CDH4: variants seen among roughly 807,000 people sequenced by gnomAD.
The protein encoded by CDH4 is cadherin 4, also known as cadherin-4.
A neutral mutation model predicts 86.0 loss-of-function variants in CDH4; 33 were observed. The observed-to-expected ratio is 0.38, with a 90% CI of 0.29 to 0.51. The LOEUF (loss-of-function observed/expected upper bound fraction) is 0.51. Ranked by LOEUF, CDH4 falls within the 20% of genes least tolerant of loss-of-function variation. The pLI is 0.86. For missense variants in CDH4, 1,114 were observed against 1,307.4 expected (o/e 0.85, Z 2.28); for synonymous variants, 555 against 549.4 (o/e 1.01, Z -0.14).
chr20:61,585,976 GTGATGATGATGGTGATGATGA>G (rs1568698592), intron 2 of CDH4, among the ~76,000 whole-genome samples: 6 of 143,646 alleles, frequency 4.2e-5, no homozygotes, highest in African/African-American at 1.5e-4. Flanking sequence ...TGGTGATGAT[GTGATGATGATGGTGATGATGA>G]TGATGGTGAT....
intron 3 of CDH4, among the ~76,000 whole-genome samples, chr20:61,764,765 A>G (rs145678527): frequency 5.3e-5 from 8 of 152,218 alleles, no homozygotes; most frequent in Non-Finnish European, 8.8e-5. Flanking sequence ...CATCACTCCT[A>G]TCCCCACTGC....
chr20:61,831,587 G>GC (rs1981616487), intron 4 of CDH4, among the ~76,000 whole-genome samples: 1 of 152,236 alleles, frequency 6.6e-6, no homozygotes, highest in African/African-American at 2.4e-5. Context: ...GAACCATGCA[G>GC]CAGGTCCCTG....
intron 2 of CDH4, among the ~76,000 whole-genome samples, chr20:61,368,174 AGACTCTTAAT>A (rs1203416138): frequency 1.3e-5 from 2 of 152,042 alleles, no homozygotes; most frequent in African/African-American, 4.8e-5. Context: ...CGGCCTCTCC[AGACTCTTAAT>A]GATTACAACG....
intron 5 of CDH4, among the ~76,000 whole-genome samples, chr20:61,849,988 G>A (rs755269583): frequency 6.6e-6 from 1 of 152,184 alleles, no homozygotes. Flanking sequence ...CCAGCTCTGT[G>A]GGCTGAGGGT....
intron 2 of CDH4, among the ~76,000 whole-genome samples, chr20:61,416,541 G>A (rs1018712246): frequency 1.3e-5 from 2 of 152,222 alleles, no homozygotes. Flanking sequence ...TTTCGTGAAC[G>A]AGTTTGTTTA....
At chr20:61,904,089 C>T (rs778626893) in intron 8 of CDH4, among the ~76,000 whole-genome samples, 5 of 152,218 alleles carry the variant, frequency 3.3e-5, no homozygotes, top group South Asian at 2.1e-4. Flanking sequence ...CTTGCCCCAG[C>T]GGGGGACAGC....
rs373561314 is a variant in CDH4, at chr20:61,663,750, C to T, written c.170-79813C>T. 1.1e-4 allele frequency among the ~76,000 whole-genome samples: 16 copies of T among 152,180 alleles called. No individual in the cohort carries two copies. Among genetic ancestry groups the T allele is most frequent in the African/African-American group, 3.9e-4 (16 of 41,528 alleles). ...CAGGCAGGGCTGACAGACGCGGGGTCGGGGGAAGATCAGGAGCTCCCGGTG... is the reference window on the plus strand; with the variant it reads ...CAGGCAGGGCTGACAGACGCGGGGTTGGGGGAAGATCAGGAGCTCCCGGTG... On this transcript the variant is annotated intron_variant, in intron 2 of 15. Coordinates refer to ENST00000614565, the MANE Select transcript of CDH4 (RefSeq NM_001794.5). This position sits in a 1 kb window ranked among gnomAD's most constrained non-coding sequence, Gnocchi z 5.0.
chr20:61,770,128 C>T (rs959113512), intron 3 of CDH4, among the ~76,000 whole-genome samples: 18 of 152,154 alleles, frequency 1.2e-4, no homozygotes, highest in Admixed American at 1.0e-3. Context: ...TCTTTAAAGG[C>T]CCCTGAGGAG....
chr20:61,456,305 T>C (rs1268064359), intron 2 of CDH4, among the ~76,000 whole-genome samples: 1 of 152,182 alleles, frequency 6.6e-6, no homozygotes, highest in Non-Finnish European at 1.5e-5. Flanking sequence ...GCGGGTGAAA[T>C]CTTAGGTTGG....
At chr20:61,848,388 T>G (rs1168648611) in intron 5 of CDH4, among the ~76,000 whole-genome samples, 3 of 152,252 alleles carry the variant, frequency 2.0e-5, no homozygotes, top group African/African-American at 7.2e-5. Context: ...CTTTTGTTTT[T>G]TGAGACAGGG....
intron 2 of CDH4, among the ~76,000 whole-genome samples, chr20:61,471,505 T>C (rs915555455): frequency 1.1e-4 from 17 of 151,836 alleles, no homozygotes; most frequent in Admixed American, 1.3e-4. Context: ...TGTATTTTTT[T>C]TCAATTTTAT....
intron 4 of CDH4, among the ~76,000 whole-genome samples, chr20:61,776,120 G>A (rs1304964633): frequency 6.6e-6 from 1 of 152,214 alleles, no homozygotes; most frequent in Admixed American, 6.5e-5. Context: ...GGGCCCAGTT[G>A]TCCTGTTGAT....
At chr20:61,764,154 A>G (rs1181914898) in intron 3 of CDH4, among the ~76,000 whole-genome samples, 1 of 152,174 alleles carries the variant, frequency 6.6e-6, no homozygotes, top group Non-Finnish European at 1.5e-5. Context: ...TAAGAAAATA[A>G]AATATTGTGG....
chr20:61,486,755 A>G (rs2085598970), intron 2 of CDH4, among the ~76,000 whole-genome samples: 1 of 152,088 alleles, frequency 6.6e-6, no homozygotes, highest in African/African-American at 2.4e-5. Flanking sequence ...CAGTTATGGT[A>G]GTATGTGCCT....
intron 6 of CDH4, among the ~76,000 whole-genome samples, chr20:61,857,813 A>G (rs1983088845): frequency 1.3e-5 from 2 of 152,272 alleles, no homozygotes; most frequent in Admixed American, 6.5e-5. Context: ...CACAGCCAGG[A>G]AACTGACCTT....
chr20:61,266,914 C>T lies in CDH4; in HGVS notation c.169+11977C>T, dbSNP rs148088709. ...TTTCAGAATCTCTAGATGAGATCAT[C>T]CTGGATTACCTGGGTGGGCCGTAAA... On this transcript the variant is annotated intron_variant, in intron 2 of 15. Coordinates refer to ENST00000614565, the MANE Select transcript of CDH4 (RefSeq NM_001794.5). 3.4e-4 allele frequency among the ~76,000 whole-genome samples: 52 copies of T among 152,272 alleles called. 1 individual carries two copies. The East Asian group carries it at 9.3e-3, about 27-fold the overall frequency.
intron 2 of CDH4, among the ~76,000 whole-genome samples, chr20:61,477,545 G>A (rs1019357342): frequency 2.0e-5 from 3 of 152,206 alleles, no homozygotes; most frequent in East Asian, 1.9e-4. Context: ...TGCTTTCTGC[G>A]GAGCGTGGAA....
chr20:61,563,204 C>T (rs951458839), intron 2 of CDH4, among the ~76,000 whole-genome samples: 1 of 152,262 alleles, frequency 6.6e-6, no homozygotes, highest in African/African-American at 2.4e-5. Context: ...TGCCCAGCGG[C>T]AGCTCTGCTC....
chr20:61,803,262 A>AC, intron 4 of CDH4, among the ~76,000 whole-genome samples: 1 of 152,090 alleles, frequency 6.6e-6, no homozygotes, highest in South Asian at 2.1e-4. Flanking sequence ...GCTCGGCACA[A>AC]TCCGCCCGGG....
Sources: gnomAD v4.1 joint callset for allele counts (sites outside exome capture counted in the v4.1 genomes callset) on GRCh38, gnomAD v4.1.1 for gene constraint, Gnocchi (gnomAD v3.1) non-coding constraint, MANE v1.5 for transcripts, NCBI Gene and HGNC (gene_info 2026-07-23, HGNC 2026-07-21) for gene names.